Variants in BCAT1 observed in about 807,000 individuals in gnomAD.
The protein encoded by BCAT1 is branched chain amino acid transaminase 1.
In BCAT1, 48 loss-of-function variants were observed where a neutral mutation model predicts 52.4. That is an observed-to-expected ratio of 0.92 (90% CI 0.73 to 1.16). The LOEUF (loss-of-function observed/expected upper bound fraction) is 1.16. Ranked by LOEUF, BCAT1 falls within the 50% of genes most tolerant of loss-of-function variation. The pLI, the probability that BCAT1 is intolerant of heterozygous loss-of-function variation, is 0.00. For synonymous variants in BCAT1, 167 were observed against 161.3 expected (o/e 1.04, Z -0.27); for missense variants, 451 against 457.1 (o/e 0.99, Z 0.12).
intron 1 of BCAT1, among the ~76,000 whole-genome samples, chr12:24,941,193 T>C (rs1393786261): frequency 6.6e-6 from 1 of 152,220 alleles, no homozygotes; most frequent in Non-Finnish European, 1.5e-5. Flanking sequence ...CTATGTAGCA[T>C]CTTTTTGTAT....
Position 24,836,581 on chromosome 12 carries a change from G to A in BCAT1, c.833C>T (p.Thr278Ile), listed in dbSNP as rs750049310. The A allele has an allele frequency of 1.2e-6, 2 of 1,612,090 alleles. No individual in the cohort carries two copies. The highest frequency in any genetic ancestry group is 1.7e-6 in the Non-Finnish European group (2 of 1,179,156). ...AAGAATGATGCCATCTAGTGGAGGA[G>A]TTGCCAGTTCTTCTTCTGTCAATCA... ...INEDGEEELA[T>I]PPLDGIILPG... The change falls in exon 8 of 11, where the codon ACT becomes ATT. Residue 278 changes from threonine (T) to isoleucine (I), a missense_variant. Transcript: ENST00000261192.
chr12:24,886,396 C>G (rs983788818), intron 3 of BCAT1, among the ~76,000 whole-genome samples: 2 of 152,126 alleles, frequency 1.3e-5, no homozygotes, highest in East Asian at 3.9e-4. Context: ...ACAGCAAGAC[C>G]TTGTCTCAAA....
At chr12:24,859,403 G>A (rs1341976037) in intron 5 of BCAT1, among the ~76,000 whole-genome samples, 2 of 152,156 alleles carry the variant, frequency 1.3e-5, no homozygotes, top group South Asian at 2.1e-4. Flanking sequence ...GGTGGATCAC[G>A]AGGTCAGAAG....
chr12:24,849,244 G>C (rs541698085), intron 6 of BCAT1, among the ~76,000 whole-genome samples: 8 of 152,374 alleles, frequency 5.3e-5, no homozygotes, highest in African/African-American at 1.9e-4. Flanking sequence ...TGGCCTATGA[G>C]ACTGGCCTGA....
At chr12:24,878,709 T>G (rs981858926) in intron 4 of BCAT1, 60 bp from the exon 5 acceptor site, 10 of 1,465,082 alleles carry the variant, frequency 6.8e-6, no homozygotes, top group Non-Finnish European at 9.2e-6. Context: ...CAATAATAAA[T>G]GATCCTCACT....
chr12:24,852,732 T>C (rs1034765193), intron 5 of BCAT1, among the ~76,000 whole-genome samples: 4 of 152,242 alleles, frequency 2.6e-5, no homozygotes, highest in African/African-American at 9.6e-5. Flanking sequence ...AGGTAAATTA[T>C]AGACTATAAC....
intron 6 of BCAT1, among the ~76,000 whole-genome samples, chr12:24,847,732 C>T (rs935146007): frequency 3.9e-5 from 6 of 152,212 alleles, no homozygotes; most frequent in African/African-American, 1.4e-4. Flanking sequence ...GCTTCTCAAG[C>T]TTGGCTGCAT....
rs80302496 is a variant in BCAT1, at chr12:24,907,118, C to A, written c.7-5233G>T. Among the ~76,000 whole-genome samples, 33 of 152,322 alleles carry A rather than the reference C, an allele frequency of 2.2e-4. No homozygotes were observed. In the East Asian group the frequency reaches 2.7e-3, roughly 12 times the overall value. On this transcript the variant is annotated intron_variant, in intron 1 of 10. Coordinates refer to ENST00000261192, the MANE Select transcript of BCAT1 (RefSeq NM_005504.7). ...TAGGCTCTTTCTTTCTCTCTCCCCC[C>A]ACACATTTAATTTATTTCAGTCCTT...
At chr12:24,882,684 T>C (rs1186343240) in intron 3 of BCAT1, among the ~76,000 whole-genome samples, 3 of 150,474 alleles carry the variant, frequency 2.0e-5, no homozygotes, top group African/African-American at 4.9e-5. Context: ...CTGCAACCTC[T>C]ACCCCCTGGG....
Position 24,817,311 on chromosome 12 carries a change from T to C in BCAT1, c.*697A>G, listed in dbSNP as rs1939914063. 1 of 152,452 alleles carries C rather than the reference T, an allele frequency of 6.6e-6. No individual in the cohort carries two copies. Among genetic ancestry groups the C allele is most frequent in the Non-Finnish European group, 1.5e-5 (1 of 68,056 alleles). The allele number at this position is 152,452 out of a possible 1,614,324, so 9.4% of individuals were successfully genotyped here. A position where few individuals can be genotyped will look rare whatever the true frequency, so the allele number is the denominator to read the frequency against. ...CTGAGTACCTACTATATGTCAGCCA[T>C]GGGGGATACAAAGATCTATAAGGCA... On this transcript the variant is annotated 3_prime_UTR_variant, in exon 11 of 11. Coordinates refer to ENST00000261192, the MANE Select transcript of BCAT1 (RefSeq NM_005504.7).
At chr12:24,944,064 G>A (rs1351495394) in intron 1 of BCAT1, among the ~76,000 whole-genome samples, 2 of 151,876 alleles carry the variant, frequency 1.3e-5, no homozygotes, top group Non-Finnish European at 2.9e-5. Flanking sequence ...AGGAAGTCTT[G>A]CCTCAAACCT....
chr12:24,812,955 A>G lies in BCAT1; in HGVS notation c.*5053T>C, dbSNP rs1939738827. 3 of 152,126 alleles carry G rather than the reference A, an allele frequency of 2.0e-5. No individual in the cohort carries two copies. The highest frequency in any genetic ancestry group is 4.1e-4 in the South Asian group (2 of 4,820). The allele number at this position is 152,126 out of a possible 1,614,324, so 9.4% of individuals were successfully genotyped here. A position where few individuals can be genotyped will look rare whatever the true frequency, so the allele number is the denominator to read the frequency against. On this transcript the variant is annotated 3_prime_UTR_variant, in exon 11 of 11. Transcript: ENST00000261192. ...ACGTCTTGTTGATTGGGTCTATTGT[A>G]GAATGAAAAATACACTTTCAGACAG...
In BCAT1 at chr12:24,814,459, G is replaced by A. The variant is rs1336831093; in HGVS notation, c.*3549C>T. 6.6e-6 allele frequency: 1 copy of A among 150,462 alleles called. No individual in the cohort carries two copies. The highest frequency in any genetic ancestry group is 6.6e-5 in the Admixed American group (1 of 15,106). The allele number at this position is 150,462 out of a possible 1,614,324, so 9.3% of individuals were successfully genotyped here. A position where few individuals can be genotyped will look rare whatever the true frequency, so the allele number is the denominator to read the frequency against. ...AGAATATAGTGACTGAGCACTGAGT[G>A]GGATTGAAGAAAATAAATGAGCTTA... On this transcript the variant is annotated 3_prime_UTR_variant, in exon 11 of 11. Transcript: ENST00000261192.
chr12:24,832,317 G>A (rs1466948796), intron 9 of BCAT1, among the ~76,000 whole-genome samples: 1 of 152,102 alleles, frequency 6.6e-6, no homozygotes, highest in African/African-American at 2.4e-5. Flanking sequence ...GAAATCACTG[G>A]AAACATAGTA....
In BCAT1 at chr12:24,878,598, C is replaced by T. The variant is rs1440228676; in HGVS notation, c.442G>A (p.Asp148Asn). ...GTTGAATATGGGACCCATTCTTGAT[C>T]CAATTTCACAAGCTGTTGAATACAC... ...LECIQQLVKL[D>N]QEWVPYSTSA... The change falls in exon 5 of 11, where the codon GAT becomes AAT. Residue 148 changes from aspartate to asparagine, a missense_variant. Coordinates refer to ENST00000261192, the MANE Select transcript of BCAT1 (RefSeq NM_005504.7). The T allele has an allele frequency of 1.2e-6, 2 of 1,609,780 alleles. No individual in the cohort carries two copies. The highest frequency in any genetic ancestry group is 2.2e-5 in the East Asian group (1 of 44,808).
intron 1 of BCAT1, among the ~76,000 whole-genome samples, chr12:24,936,417 C>T (rs56214342): frequency 0.13 from 19,153 of 152,082 alleles, 1,359 homozygotes; most frequent in East Asian, 0.29. Flanking sequence ...ATATTTAGTA[C>T]ATACAGGGTT....
intron 10 of BCAT1, among the ~76,000 whole-genome samples, chr12:24,829,313 G>A (rs1424426964): frequency 6.6e-6 from 1 of 152,136 alleles, no homozygotes; most frequent in Non-Finnish European, 1.5e-5. Flanking sequence ...GAACCCGGGA[G>A]GCAGAGGTTG....
chr12:24,915,050 G>A (rs1390554896), intron 1 of BCAT1, among the ~76,000 whole-genome samples: 1 of 151,980 alleles, frequency 6.6e-6, no homozygotes, highest in Non-Finnish European at 1.5e-5. Flanking sequence ...TATTTGCAAA[G>A]TCAGTTTAGT....
At chr12:24,836,910 G>A (rs201360734) in intron 7 of BCAT1, among the ~76,000 whole-genome samples, 143 of 9,864 alleles carry the variant, frequency 0.014, 2 homozygotes, top group African/African-American at 0.031. Flanking sequence ...AAGAAAGAGA[G>A]AAAGAAAGAA....
Sources: gnomAD v4.1 joint callset for allele counts (sites outside exome capture counted in the v4.1 genomes callset) on GRCh38, gnomAD v4.1.1 for gene constraint, MANE v1.5 for transcripts, NCBI Gene and HGNC (gene_info 2026-07-23, HGNC 2026-07-21) for gene names.